Variants in HOPX observed in about 807,000 individuals in gnomAD.
The protein encoded by HOPX is homeodomain-only protein.
Under a neutral mutation model 11.8 loss-of-function variants are expected in HOPX, and 5 were observed. That is an observed-to-expected ratio of 0.43 (90% CI 0.22 to 0.89). HOPX has a LOEUF of 0.89. Ranked by LOEUF, HOPX falls within the 40% of genes least tolerant of loss-of-function variation. HOPX has a pLI of 0.28. For synonymous variants in HOPX, 49 were observed against 49.7 expected (o/e 0.99, Z 0.06); for missense variants, 119 against 120.0 (o/e 0.99, Z 0.04).
At chr4:56,652,524 G>A (rs867360094) in intron 3 of HOPX, among the ~76,000 whole-genome samples, 4 of 152,104 alleles carry the variant, frequency 2.6e-5, no homozygotes, top group South Asian at 2.1e-4. Flanking sequence ...AGAGATAGGG[G>A]AGGCTGGCTG....
At chr4:56,655,491 C>G (rs1249138496) in intron 3 of HOPX, among the ~76,000 whole-genome samples, 3 of 152,190 alleles carry the variant, frequency 2.0e-5, no homozygotes, top group Non-Finnish European at 2.9e-5. Flanking sequence ...GGGACCGAGC[C>G]GGGAAGGCGA....
At chr4:56,681,069 A>G in intron 1 of HOPX, 186 bp downstream of exon 1, 1 of 985,220 alleles carries the variant, frequency 1.0e-6, no homozygotes, top group Non-Finnish European at 1.2e-6. Flanking sequence ...TTTGTAAGGG[A>G]CTGATGTCTT....
rs184948507 is a variant in HOPX at position 56,677,098 on chromosome 4, G to C, written c.-84+4157C>G. 7.7e-4 allele frequency among the ~76,000 whole-genome samples: 117 copies of C among 151,938 alleles called. 4 individuals are homozygous for C. The highest frequency in any genetic ancestry group is 5.9e-3 in the Admixed American group (90 of 15,296). On this transcript the variant is annotated intron_variant, in intron 1 of 3. Coordinates refer to ENST00000420433, the MANE Select transcript of HOPX (RefSeq NM_032495.6). ...GCAGGTAATATTCTAAAATCCTTAT[G>C]AGCAGAATTTCTTGACATTTTGTCT...
intron 1 of HOPX, among the ~76,000 whole-genome samples, chr4:56,677,012 C>T (rs1046269401): frequency 1.3e-5 from 2 of 151,818 alleles, no homozygotes; most frequent in African/African-American, 4.9e-5. Context: ...AATGAGGCTC[C>T]TGGCCACTAA....
chr4:56,655,539 G>A (rs78950520), intron 3 of HOPX, among the ~76,000 whole-genome samples: 2,978 of 152,336 alleles, frequency 0.02, 58 homozygotes, highest in South Asian at 0.11. Context: ...CCAACTCGCA[G>A]AGGGAGAAAG....
At chr4:56,667,219 C>T (rs1718484904) in intron 1 of HOPX, among the ~76,000 whole-genome samples, 1 of 152,176 alleles carries the variant, frequency 6.6e-6, no homozygotes, top group Non-Finnish European at 1.5e-5. Flanking sequence ...TTTATCTTGA[C>T]ATAAAAGCAT....
intron 2 of HOPX, chr4:56,656,434 G>C: frequency 2.0e-6 from 2 of 989,376 alleles, no homozygotes; most frequent in Non-Finnish European, 2.4e-6. Context: ...ACCTCCCCTG[G>C]GGACAGACTT....
In HOPX at chr4:56,648,515, A is replaced by G. The variant is rs1453691703; in HGVS notation, c.*205T>C. ...TTTTCCAGTGAAGCCACTGCTTTAC[A>G]CAGAAGATACACATAGCTTCCTATT... On this transcript the variant is annotated 3_prime_UTR_variant, in exon 4 of 4. Transcript: ENST00000420433. The G allele has an allele frequency of 2.4e-6, 1 of 418,244 alleles. No homozygotes were observed. The highest frequency in any genetic ancestry group is 4.3e-6 in the Non-Finnish European group (1 of 234,154). 25.9% of individuals were successfully genotyped at this position (418,244 alleles called of 1,614,324 possible). A position where few individuals can be genotyped will look rare whatever the true frequency, so the allele number is the denominator to read the frequency against.
intron 3 of HOPX, chr4:56,650,795 G>A: frequency 6.5e-7 from 1 of 1,549,708 alleles, no homozygotes; most frequent in South Asian, 1.2e-5. Context: ...TTTTGCTCCT[G>A]GAGATCAAAT....
intron 3 of HOPX, among the ~76,000 whole-genome samples, chr4:56,652,135 A>G (rs1717250926): frequency 6.6e-6 from 1 of 152,192 alleles, no homozygotes; most frequent in African/African-American, 2.4e-5. Context: ...TTTCAATTAC[A>G]GCACCCTTCA....
chr4:56,661,064 A>T (rs1718090740), intron 1 of HOPX, among the ~76,000 whole-genome samples: 1 of 152,166 alleles, frequency 6.6e-6, no homozygotes, highest in Non-Finnish European at 1.5e-5. Context: ...CTTAGGCCTC[A>T]GTCTCCTGAG....
At chr4:56,651,873 AGTGT>A (rs796685500) in intron 3 of HOPX, among the ~76,000 whole-genome samples, 4,995 of 136,566 alleles carry the variant, frequency 0.037, 126 homozygotes, top group Admixed American at 0.098. Context: ...AGAGAGAGAG[AGTGT>A]GTGTGTGTGT....
chr4:56,656,257 C>G (rs370063251), intron 2 of HOPX: 6 of 1,166,422 alleles, frequency 5.1e-6, no homozygotes, highest in Non-Finnish European at 6.4e-6. Flanking sequence ...CGTCCTGCGC[C>G]TCCCGCGCCC....
intron 1 of HOPX, chr4:56,664,445 T>C (rs1282780223): frequency 1.3e-5 from 2 of 152,090 alleles, no homozygotes; most frequent in African/African-American, 4.8e-5. Flanking sequence ...CTGATATTAC[T>C]ATTAAATAGC....
At chr4:56,661,113 C>G (rs1718094003) in intron 1 of HOPX, among the ~76,000 whole-genome samples, 1 of 152,158 alleles carries the variant, frequency 6.6e-6, no homozygotes, top group African/African-American at 2.4e-5. Flanking sequence ...CGTCCAGCCA[C>G]TGCTTTTTAA....
chr4:56,653,464 T>C (rs1717401865), intron 3 of HOPX, among the ~76,000 whole-genome samples: 1 of 151,140 alleles, frequency 6.6e-6, no homozygotes, highest in Non-Finnish European at 1.5e-5. Context: ...GGTAGTGGGG[T>C]GAGAGGGGAA....
intron 1 of HOPX, among the ~76,000 whole-genome samples, chr4:56,660,031 T>A (rs976016466): frequency 8.5e-5 from 13 of 152,346 alleles, no homozygotes; most frequent in African/African-American, 3.1e-4. Flanking sequence ...AAAACCCTTT[T>A]AAAAACTTTT....
At chr4:56,656,056 C>T in intron 2 of HOPX, 44 bp from the exon 3 acceptor site, 1 of 1,452,444 alleles carries the variant, frequency 6.9e-7, no homozygotes, top group Non-Finnish European at 9.1e-7. Context: ...AGGCGTGGAG[C>T]GGGCGGGACG....
At chr4:56,651,858 A>AAG (rs72305569) in intron 3 of HOPX, among the ~76,000 whole-genome samples, 1,068 of 105,276 alleles carry the variant, frequency 0.01, 5 homozygotes, top group Non-Finnish European at 0.013. Flanking sequence ...GAGAGAGAGA[A>AAG]AGAGAGAGAG....
Sources: allele counts gnomAD v4.1 joint callset (sites outside exome capture counted in the v4.1 genomes callset), GRCh38; gene constraint gnomAD v4.1.1; transcripts MANE v1.5; gene names NCBI Gene and HGNC (gene_info 2026-07-23, HGNC 2026-07-21).